HEBP1: variants seen among roughly 807,000 people sequenced by gnomAD.
HEBP1 encodes heme-binding protein 1.
A neutral mutation model predicts 20.4 loss-of-function variants in HEBP1; 13 were observed. The observed-to-expected ratio is 0.64, with a 90% confidence interval of 0.42 to 1.01. The LOEUF (loss-of-function observed/expected upper bound fraction) is 1.01. Among genes scored for constraint, HEBP1 ranks in the 50% least tolerant of loss-of-function variants. The pLI, the probability that HEBP1 is intolerant of heterozygous loss-of-function variation, is 0.00. For missense variants in HEBP1, 241 were observed against 247.3 expected, an observed-to-expected ratio of 0.97 and a Z score of 0.17; for synonymous variants, 92 against 90.7, an observed-to-expected ratio of 1.01 and a Z score of -0.08.
rs1422559555 is a variant in HEBP1 at position 13,000,139 on chromosome 12, C to A, written c.-25G>T. ...TGTTGTAGCCGAGACGCTCCCGACG[C>A]ACGGGAGGACGTGAGGTGGCGGGGG... On this transcript the variant is annotated 5_prime_UTR_variant, in exon 1 of 4. Transcript: ENST00000014930. The A allele has an allele frequency of 3.8e-6, 6 of 1,569,410 alleles. No individual in the cohort carries two copies. The African/African-American group carries it at 8.2e-5, about 22-fold the overall frequency.
chr12:12,979,712 G>C (rs1270439935), intron 3 of HEBP1: 1 of 152,164 alleles, frequency 6.6e-6, no homozygotes, highest in Non-Finnish European at 1.5e-5. Flanking sequence ...CTGTGAATAC[G>C]TCTTTATCTA....
intron 3 of HEBP1, among the ~76,000 whole-genome samples, chr12:12,985,339 G>A (rs1037876430): frequency 1.8e-4 from 27 of 152,180 alleles, no homozygotes; most frequent in African/African-American, 6.0e-4. Flanking sequence ...CCAGGGTAGG[G>A]CTGGGTGAAT....
rs1164055119 is a variant in HEBP1, at chr12:12,990,997, C to T, written c.79-1582G>A. Among the ~76,000 whole-genome samples, 4 of 152,136 alleles carry T rather than the reference C, an allele frequency of 2.6e-5. No homozygotes were observed. The East Asian group carries it at 7.7e-4, about 29-fold the overall frequency. On this transcript the variant is annotated intron_variant, in intron 1 of 3. Transcript: ENST00000014930. ...CTCCAACCTGACCAATCAGCACTCC[C>T]CACTCCCCAAGCCACTACCTGCCAA... is the stretch of plus-strand genomic sequence containing the variant.
intron 1 of HEBP1, among the ~76,000 whole-genome samples, chr12:12,990,781 C>T (rs1048927743): frequency 1.3e-5 from 2 of 152,166 alleles, no homozygotes; most frequent in Non-Finnish European, 2.9e-5. Flanking sequence ...TGAACCTCCT[C>T]AAATTGCTCC....
intron 1 of HEBP1, among the ~76,000 whole-genome samples, chr12:12,989,988 T>C (rs1864199297): frequency 6.6e-6 from 1 of 152,118 alleles, no homozygotes; most frequent in Non-Finnish European, 1.5e-5. Flanking sequence ...CTCAAGTCCC[T>C]GATATAAAAT....
rs1863965901 is a variant in HEBP1, at chr12:12,975,414, A to G, written c.464T>C (p.Leu155Pro). The part of the protein sequence containing the change: ...VAQATRLRAA[L>P]EGTATYRGDI... The stretch of plus-strand genomic sequence containing the variant: ...CCCCCGGTAGGTGGCTGTGCCCTCC[A>G]GGGCAGCACGCAGACGGGTGGCTTG... Residue 155 changes from leucine (L) to proline (P), a missense_variant, in exon 4 of 4, where the codon CTG becomes CCG. Physicochemically the swap from Leu to Pro is moderately conservative, Grantham distance 98. Transcript: ENST00000014930. 2 of 1,613,206 alleles carry G rather than the reference A, an allele frequency of 1.2e-6. No individual in the cohort carries two copies. Among genetic ancestry groups the G allele is most frequent in the Admixed American group, 1.7e-5 (1 of 59,828 alleles).
At chr12:12,977,242 T>G (rs1022211634) in intron 3 of HEBP1, among the ~76,000 whole-genome samples, 1 of 152,192 alleles carries the variant, frequency 6.6e-6, no homozygotes, top group African/African-American at 2.4e-5. Flanking sequence ...AACATCAATC[T>G]TCGAAGGCTA....
chr12:12,977,342 G>A (rs770179681), intron 3 of HEBP1: 2 of 152,250 alleles, frequency 1.3e-5, no homozygotes, highest in Non-Finnish European at 2.9e-5. Flanking sequence ...AGCTATTATT[G>A]TTACTTGGCA....
chr12:13,000,105 T>A lies in HEBP1; in HGVS notation c.10A>T (p.Met4Leu). 6.2e-7 allele frequency: 1 copy of A among 1,610,278 alleles called. No individual in the cohort carries two copies. Residue 4 changes from methionine (M) to leucine (L), a missense_variant, in exon 1 of 4, where the codon ATG becomes TTG. By Grantham distance (15) the Met-to-Leu change is conservative. Transcript: ENST00000014930. MLG[M>L]IKNSLFGSVE... is the part of the protein sequence containing the mutation. Reference sequence around the variant, plus strand: ...CTTCCGAACAGCGAGTTCTTGATCATGCCCAACATGTTGTAGCCGAGACGC... The same window carrying A: ...CTTCCGAACAGCGAGTTCTTGATCAAGCCCAACATGTTGTAGCCGAGACGC...
intron 3 of HEBP1, among the ~76,000 whole-genome samples, chr12:12,978,212 T>G (rs1179389451): frequency 3.6e-5 from 5 of 139,272 alleles, no homozygotes; most frequent in East Asian, 2.1e-4. Flanking sequence ...TTTTTTTTTT[T>G]TTTTTTTTTT....
intron 3 of HEBP1, among the ~76,000 whole-genome samples, chr12:12,978,216 T>G (rs1293378372): frequency 2.1e-5 from 3 of 141,912 alleles, no homozygotes; most frequent in Non-Finnish European, 3.1e-5. Context: ...TTTTTTTTTT[T>G]TTTTTTTTTT....
rs138813231 is a variant in HEBP1, at chr12:12,984,889, C to T, written c.398+2263G>A. ...AATGATGGCCAGGCGTGGTGGCTCA[C>T]GCCTGTAATCCCAGCACTTTGGGAG... On this transcript the variant is annotated intron_variant, in intron 3 of 3. Coordinates refer to ENST00000014930, the MANE Select transcript of HEBP1 (RefSeq NM_015987.5). 1.2e-3 allele frequency among the ~76,000 whole-genome samples: 184 copies of T among 152,274 alleles called. 1 individual carries two copies. The highest frequency in any genetic ancestry group is 4.3e-3 in the African/African-American group (178 of 41,550).
intron 3 of HEBP1, among the ~76,000 whole-genome samples, chr12:12,978,095 T>G (rs1383450360): frequency 6.6e-6 from 1 of 151,180 alleles, no homozygotes; most frequent in Non-Finnish European, 1.5e-5. Context: ...TGGTGGGAAC[T>G]GAAACAGGAG....
At position 12,975,273 on chromosome 12, in the gene HEBP1, C is replaced by T. The variant is rs767080439; in HGVS notation, c.*35G>A. 1.2e-6 allele frequency: 2 copies of T among 1,603,004 alleles called. No individual in the cohort carries two copies. The highest frequency in any genetic ancestry group is 2.2e-5 in the South Asian group (2 of 90,472). On this transcript the variant is annotated 3_prime_UTR_variant, in exon 4 of 4. Coordinates refer to ENST00000014930, the MANE Select transcript of HEBP1 (RefSeq NM_015987.5). ...ACCCCCGAGGAAGGAGACACAGAGG[C>T]ACACTTCCAGTAAGTTCTTGGTTCA...
chr12:12,997,111 T>C (rs1427069339), intron 1 of HEBP1, among the ~76,000 whole-genome samples: 1 of 152,230 alleles, frequency 6.6e-6, no homozygotes, highest in Non-Finnish European at 1.5e-5. Flanking sequence ...TTTATAGCTG[T>C]AGAAACAGGT....
chr12:12,975,299 G>A lies in HEBP1; in HGVS notation c.*9C>T. On this transcript the variant is annotated 3_prime_UTR_variant, in exon 4 of 4. Transcript: ENST00000014930. ...ACACTTCCAGTAAGTTCTTGGTTCA[G>A]TGGGTCACTCATGTCTTCAACAGCC... The A allele has an allele frequency of 1.2e-6, 2 of 1,612,832 alleles. No individual in the cohort carries two copies. The highest frequency in any genetic ancestry group is 1.7e-6 in the Non-Finnish European group (2 of 1,179,482).
chr12:12,992,981 C>A (rs1037417423), intron 1 of HEBP1, among the ~76,000 whole-genome samples: 1 of 152,150 alleles, frequency 6.6e-6, no homozygotes, highest in African/African-American at 2.4e-5. Context: ...AATTCCAGTT[C>A]CCAAACTCTA....
In HEBP1 at chr12:12,976,214, T is replaced by TC. The variant is rs1863986116; in HGVS notation, c.399-736dup. Among the ~76,000 whole-genome samples the TC allele has an allele frequency of 7.3e-5, 11 of 151,278 alleles. No individual in the cohort carries two copies. The South Asian group carries it at 2.3e-3, about 32-fold the overall frequency. On this transcript the variant is annotated intron_variant, in intron 3 of 3. Coordinates refer to ENST00000014930, the MANE Select transcript of HEBP1 (RefSeq NM_015987.5). The stretch of plus-strand genomic sequence containing the variant: ...TTTAAACATGCCCCAAATAAAGAAA[T>TC]CACTTCTCATAAATCCTTTCTTCTG...
chr12:12,978,949 C>A (rs931220451), intron 3 of HEBP1: 2 of 152,100 alleles, frequency 1.3e-5, no homozygotes, highest in Admixed American at 6.6e-5. Context: ...AGACTTGGGA[C>A]AGAACTGGAG....
Sources: gnomAD v4.1 joint callset for allele counts (sites outside exome capture counted in the v4.1 genomes callset) on GRCh38, gnomAD v4.1.1 for gene constraint, MANE v1.5 for transcripts, NCBI Gene and HGNC (gene_info 2026-07-23, HGNC 2026-07-21) for gene names.